Variants in VPS8 observed in about 807,000 individuals in gnomAD.
VPS8 encodes the protein vacuolar protein sorting-associated protein 8 homolog.
A neutral mutation model predicts 216.4 loss-of-function variants in VPS8; 129 were observed. That is an observed-to-expected ratio of 0.60 (90% CI 0.52 to 0.69). The LOEUF is 0.69. VPS8 is among the 30% of genes least tolerant of loss of function. The pLI is 0.00. For synonymous variants in VPS8, 571 were observed against 565.4 expected (o/e 1.01, Z -0.14); for missense variants, 1,531 against 1,683.5 (o/e 0.91, Z 1.59).
chr3:185,005,428 A>G (rs1263802109), intron 45 of VPS8, among the ~76,000 whole-genome samples: 1 of 152,032 alleles, frequency 6.6e-6, no homozygotes, highest in Non-Finnish European at 1.5e-5. Flanking sequence ...TGGTATTTTG[A>G]TGGGAATTGC....
intron 7 of VPS8, chr3:184,840,410 G>A (rs999989829): frequency 1.3e-4 from 20 of 152,152 alleles, no homozygotes; most frequent in African/African-American, 4.8e-4. Flanking sequence ...AAAACTGTTA[G>A]ATTTTTGTGG....
chr3:185,005,301 G>A (rs145802049), intron 45 of VPS8, among the ~76,000 whole-genome samples: 6,333 of 152,238 alleles, frequency 0.042, 144 homozygotes, highest in African/African-American at 0.054. Context: ...TTGAAGTTGG[G>A]TAATGTGATG....
chr3:184,962,211 AAC>A (rs1391331019), intron 37 of VPS8, among the ~76,000 whole-genome samples: 1 of 152,180 alleles, frequency 6.6e-6, no homozygotes, highest in African/African-American at 2.4e-5. Flanking sequence ...TGCTGTTATA[AAC>A]AGTGTTACAG....
Position 184,957,476 on chromosome 3 carries a change from GA to G in VPS8, c.3139del (p.Thr1047LeufsTer41). 1 of 1,612,566 alleles carries G rather than the reference GA, an allele frequency of 6.2e-7. No individual in the cohort carries two copies. The highest frequency in any genetic ancestry group is 8.5e-7 in the Non-Finnish European group (1 of 1,179,298). Reference sequence around the variant, plus strand: ...AGTTCAACCCAACCCAAGTTATAGAGACTCTGCAAGTCCTTGAGTGCTACCG... The same window carrying G: ...AGTTCAACCCAACCCAAGTTATAGAGCTCTGCAAGTCCTTGAGTGCTACCG... ...CQFNPTQVIE[T>X]LQVLECYRLE... On this transcript the variant is annotated frameshift_variant, in exon 37 of 48. Transcript: ENST00000625842. LOFTEE classifies it high-confidence loss of function.
intron 23 of VPS8, among the ~76,000 whole-genome samples, chr3:184,896,223 T>C (rs1733447944): frequency 6.6e-6 from 1 of 152,182 alleles, no homozygotes; most frequent in Non-Finnish European, 1.5e-5. Context: ...AGTCTTACAA[T>C]AGGTCTGATG....
intron 36 of VPS8, among the ~76,000 whole-genome samples, chr3:184,944,858 G>A (rs1743394733): frequency 6.6e-6 from 1 of 152,154 alleles, no homozygotes; most frequent in African/African-American, 2.4e-5. Context: ...GAATCTGTCA[G>A]TGTTGCTGTG....
chr3:184,902,871 T>TA (rs559584830), intron 25 of VPS8, among the ~76,000 whole-genome samples: 26 of 151,962 alleles, frequency 1.7e-4, no homozygotes, highest in Non-Finnish European at 2.8e-4. Context: ...TTCAGTGTCA[T>TA]AAATATTTTC....
At chr3:184,823,063 G>A (rs539821594) in intron 1 of VPS8, among the ~76,000 whole-genome samples, 4 of 152,214 alleles carry the variant, frequency 2.6e-5, no homozygotes, top group African/African-American at 9.6e-5. Context: ...TTTATACAAG[G>A]TAACTATTCA....
chr3:185,024,464 A>G, intron 46 of VPS8, 75 bp downstream of exon 46: 1 of 1,414,044 alleles, frequency 7.1e-7, no homozygotes, highest in Middle Eastern at 1.8e-4. Flanking sequence ...CAATATTCTC[A>G]ACATGGCAAT....
At chr3:184,826,356 T>C in intron 3 of VPS8, 125 bp downstream of exon 3, 1 of 554,190 alleles carries the variant, frequency 1.8e-6, no homozygotes, top group Non-Finnish European at 3.0e-6. Context: ...GTCGTGTGTG[T>C]CAGTTTAAAA....
intron 36 of VPS8, among the ~76,000 whole-genome samples, chr3:184,954,741 A>G (rs1745287191): frequency 6.6e-6 from 1 of 152,132 alleles, no homozygotes; most frequent in Non-Finnish European, 1.5e-5. Flanking sequence ...TGTGGGCGAA[A>G]GATTACCTAG....
At chr3:184,958,185 G>GGA (rs1560864599) in intron 37 of VPS8, among the ~76,000 whole-genome samples, 2 of 152,132 alleles carry the variant, frequency 1.3e-5, no homozygotes, top group Admixed American at 1.3e-4. Flanking sequence ...TTGGCAGAGG[G>GGA]GAGAAAATCA....
chr3:184,893,336 T>C, intron 22 of VPS8: 2 of 1,271,298 alleles, frequency 1.6e-6, no homozygotes, highest in Non-Finnish European at 2.0e-6. Flanking sequence ...AAATAAACCA[T>C]TTACCACTTT....
intron 36 of VPS8, among the ~76,000 whole-genome samples, chr3:184,950,639 G>A (rs1299496800): frequency 6.6e-6 from 1 of 151,984 alleles, no homozygotes; most frequent in East Asian, 1.9e-4. Context: ...TGCAGAATGT[G>A]CAGGTTTGTT....
chr3:184,959,145 G>A (rs2109495083), intron 37 of VPS8, among the ~76,000 whole-genome samples: 1 of 152,132 alleles, frequency 6.6e-6, no homozygotes, highest in East Asian at 1.9e-4. Flanking sequence ...GAAGTTCCTG[G>A]GCTTCTCAGG....
At chr3:185,030,370 C>G (rs1235863426) in intron 46 of VPS8, among the ~76,000 whole-genome samples, 1 of 152,204 alleles carries the variant, frequency 6.6e-6, no homozygotes, top group Non-Finnish European at 1.5e-5. Flanking sequence ...CTCTGAGCAA[C>G]CCCTGGTTTT....
At chr3:184,847,662 C>G (rs1291654523) in intron 8 of VPS8, among the ~76,000 whole-genome samples, 2 of 152,118 alleles carry the variant, frequency 1.3e-5, no homozygotes, top group African/African-American at 4.8e-5. Flanking sequence ...TGTAGGCATG[C>G]ATTCTGACAT....
intron 1 of VPS8, 62 bp downstream of exon 1, chr3:184,812,287 G>A (rs1012618986): frequency 2.0e-5 from 3 of 152,314 alleles, no homozygotes; most frequent in Non-Finnish European, 4.4e-5. Flanking sequence ...CGTATTCAGG[G>A]TAGGAGGAGA....
At chr3:184,877,722 A>G (rs897661813) in intron 21 of VPS8, among the ~76,000 whole-genome samples, 21 of 152,190 alleles carry the variant, frequency 1.4e-4, no homozygotes, top group Non-Finnish European at 2.9e-5. Flanking sequence ...GTACTGTACT[A>G]TGTTTCATCC....
Sources: allele counts gnomAD v4.1 joint callset (sites outside exome capture counted in the v4.1 genomes callset), GRCh38; gene constraint gnomAD v4.1.1; transcripts MANE v1.5; gene names NCBI Gene and HGNC (gene_info 2026-07-23, HGNC 2026-07-21).